MUCL1: variants seen among roughly 807,000 people sequenced by gnomAD.
The protein encoded by MUCL1 is mucin like 1, also known as mucin-like protein 1.
MUCL1 carries 11 observed loss-of-function variants against 9.2 expected under a neutral mutation model. The ratio of observed to expected loss-of-function variants is 1.19; its 90% CI spans 0.75 to 1.97. MUCL1 has a LOEUF of 1.97. Among genes scored for constraint, MUCL1 ranks in the 30% most tolerant of loss-of-function variants. The probability of loss-of-function intolerance (pLI) is 0.00; values close to 1 mark genes in which losing one functional copy is unlikely to be tolerated. For missense variants in MUCL1, 144 were observed against 110.9 expected (o/e 1.30, Z -1.34); for synonymous variants, 48 against 40.5 (o/e 1.19, Z -0.71).
rs949822568 is a variant in MUCL1 at position 54,841,412 on chromosome 12, C to T, written c.43+1965C>T. Among the ~76,000 whole-genome samples the T allele has an allele frequency of 5.9e-5, 9 of 152,164 alleles. 1 individual carries two copies. In the South Asian group the frequency reaches 1.7e-3, roughly 28 times the overall value. On this transcript the variant is annotated intron_variant, in intron 1 of 3. Coordinates refer to the MUCL1 transcript ENST00000546809. ...TTATTTTTTTTAAGTTTTTGAGAAACCTCCATACAGTTTTCCATAATGGTT... is the reference window on the plus strand; with the variant it reads ...TTATTTTTTTTAAGTTTTTGAGAAATCTCCATACAGTTTTCCATAATGGTT...
At chr12:54,843,180 T>C (rs1390591149) in intron 1 of MUCL1, among the ~76,000 whole-genome samples, 1 of 152,238 alleles carries the variant, frequency 6.6e-6, no homozygotes, top group African/African-American at 2.4e-5. Context: ...ATTCCCATCA[T>C]TAAATGATGC....
upstream of MUCL1, among the ~76,000 whole-genome samples, chr12:54,835,632 G>A (rs1258113480): frequency 7.3e-6 from 1 of 136,150 alleles, no homozygotes; most frequent in Non-Finnish European, 1.6e-5. Flanking sequence ...TGGCTGATTT[G>A]TTTGAGCTCC....
exon 1 of MUCL1, chr12:54,839,392 G>T (rs1376549873): frequency 5.7e-6 from 4 of 701,912 alleles, no homozygotes; most frequent in Non-Finnish European, 1.0e-5. Flanking sequence ...AACAGTTCAG[G>T]CTTCTGGCCA....
upstream of MUCL1, among the ~76,000 whole-genome samples, chr12:54,849,991 G>T (rs896278066): frequency 1.3e-5 from 2 of 152,120 alleles, no homozygotes; most frequent in African/African-American, 4.8e-5. Flanking sequence ...CCCAGCAACT[G>T]CAGACCAGCT....
chr12:54,842,968 A>G (rs1959219823), intron 1 of MUCL1, among the ~76,000 whole-genome samples: 1 of 152,172 alleles, frequency 6.6e-6, no homozygotes, highest in South Asian at 2.1e-4. Context: ...TAGACACATA[A>G]ATATTCCCGC....
chr12:54,856,791 C>T lies in MUCL1; in HGVS notation c.122C>T (p.Ala41Val). The T allele has an allele frequency of 6.2e-7, 1 of 1,613,016 alleles. No homozygotes were observed. The highest frequency in any genetic ancestry group is 2.2e-5 in the East Asian group (1 of 44,724). The change falls in exon 3 of 4, where the codon GCC becomes GTC. Residue 41 changes from alanine (A) to valine (V), a missense_variant. Coordinates refer to ENST00000308796, the MANE Select transcript of MUCL1 (RefSeq NM_058173.3). ...TCAGCTGGTCCTGCTGATGATGAAG[C>T]CCCTGATGCTGAAACCACTGCTGCT... is the stretch of plus-strand genomic sequence containing the variant. ...YPATGPADDE[A>V]PDAETTAAAT...
chr12:54,852,863 T>C (rs1868265742), upstream of MUCL1, among the ~76,000 whole-genome samples: 1 of 151,834 alleles, frequency 6.6e-6, no homozygotes, highest in South Asian at 2.1e-4. Context: ...TAAATATTTC[T>C]CTTTCACTTT....
chr12:54,855,362 A>T, intron 2 of MUCL1: 2 of 573,006 alleles, frequency 3.5e-6, no homozygotes, highest in Admixed American at 5.9e-5. Flanking sequence ...GAATATATGA[A>T]ATCTAGGCCA....
At chr12:54,841,885 A>G (rs529666343) in intron 1 of MUCL1, among the ~76,000 whole-genome samples, 5 of 152,130 alleles carry the variant, frequency 3.3e-5, no homozygotes, top group Non-Finnish European at 7.4e-5. Context: ...TATCACCATA[A>G]TCAACATTCA....
chr12:54,851,171 C>G (rs942303456), upstream of MUCL1, among the ~76,000 whole-genome samples: 2 of 152,078 alleles, frequency 1.3e-5, no homozygotes, highest in Non-Finnish European at 2.9e-5. Flanking sequence ...TTAATTACAA[C>G]CCATTTGTCA....
At chr12:54,838,069 C>T (rs894060822), upstream of MUCL1, among the ~76,000 whole-genome samples, 26 of 152,144 alleles carry the variant, frequency 1.7e-4, no homozygotes, top group Non-Finnish European at 3.4e-4. Flanking sequence ...TGGTGCATAT[C>T]CATCTTTTGT....
At chr12:54,855,339 T>C in intron 2 of MUCL1, 182 bp downstream of exon 2, 1 of 596,668 alleles carries the variant, frequency 1.7e-6, no homozygotes, top group Non-Finnish European at 3.0e-6. Context: ...TGCTTATTTC[T>C]TATACATTCT....
chr12:54,839,170 G>T (rs113005733), upstream of MUCL1, among the ~76,000 whole-genome samples: 1,787 of 152,144 alleles, frequency 0.012, 37 homozygotes, highest in African/African-American at 0.041. Context: ...GGCTCTGGGT[G>T]CTTTCAAATA....
chr12:54,837,662 G>A (rs905459123), upstream of MUCL1, among the ~76,000 whole-genome samples: 8 of 152,218 alleles, frequency 5.3e-5, no homozygotes, highest in East Asian at 1.9e-4. Flanking sequence ...CCAGCTACTC[G>A]GGAGGCTGAG....
At chr12:54,853,569 C>G (rs1480082645), upstream of MUCL1, among the ~76,000 whole-genome samples, 1 of 152,140 alleles carries the variant, frequency 6.6e-6, no homozygotes, top group African/African-American at 2.4e-5. Flanking sequence ...AGAGTCTGTT[C>G]AAATATCACC....
upstream of MUCL1, among the ~76,000 whole-genome samples, chr12:54,851,963 C>T (rs1461190865): frequency 2.0e-5 from 3 of 152,090 alleles, no homozygotes; most frequent in Non-Finnish European, 4.4e-5. Context: ...TGTGAAGGAC[C>T]TCTCCAAAGA....
intron 1 of MUCL1, among the ~76,000 whole-genome samples, chr12:54,845,967 C>T (rs1033243739): frequency 2.0e-5 from 3 of 152,060 alleles, no homozygotes; most frequent in Non-Finnish European, 2.9e-5. Context: ...CATTTAATTG[C>T]CTCATCTCTT....
chr12:54,858,251 C>T lies in MUCL1; in HGVS notation c.*9C>T, dbSNP rs1046267443. ...GTAGAGTGTGTCCCTGAGATGGAAT[C>T]AGCTTGAGTCTTCTGCAATTGGTCA... On this transcript the variant is annotated 3_prime_UTR_variant, in exon 4 of 4. Coordinates refer to ENST00000308796, the MANE Select transcript of MUCL1 (RefSeq NM_058173.3). 6 of 1,613,324 alleles carry T rather than the reference C, an allele frequency of 3.7e-6. No individual in the cohort carries two copies. The African/African-American group carries it at 5.3e-5, about 14-fold the overall frequency.
intron 1 of MUCL1, among the ~76,000 whole-genome samples, chr12:54,841,381 T>C (rs767272511): frequency 5.9e-5 from 9 of 152,162 alleles, no homozygotes; most frequent in Non-Finnish European, 1.2e-4. Flanking sequence ...CTGGGTCATA[T>C]GGTAGTTATT....
Sources: allele counts gnomAD v4.1 joint callset (sites outside exome capture counted in the v4.1 genomes callset), GRCh38; gene constraint gnomAD v4.1.1; transcripts MANE v1.5; gene names NCBI Gene and HGNC (gene_info 2026-07-23, HGNC 2026-07-21).